KHDRBS2: variants seen among roughly 807,000 people sequenced by gnomAD.
KHDRBS2 encodes KH RNA binding domain containing, signal transduction associated 2.
KHDRBS2 carries 26 observed loss-of-function variants against 44.3 expected under a neutral mutation model. The ratio of observed to expected loss-of-function variants is 0.59; its 90% CI spans 0.43 to 0.81. The LOEUF is 0.81. Ranked by LOEUF, KHDRBS2 falls within the 40% of genes least tolerant of loss-of-function variation. KHDRBS2 has a pLI of 0.00. For synonymous variants in KHDRBS2, 194 were observed against 151.1 expected (o/e 1.28, Z -2.08); for missense variants, 476 against 433.1 (o/e 1.10, Z -0.88).
At chr6:62,061,861 C>T (rs1379339244) in intron 2 of KHDRBS2, among the ~76,000 whole-genome samples, 2 of 150,232 alleles carry the variant, frequency 1.3e-5, no homozygotes, top group African/African-American at 4.9e-5. Flanking sequence ...TTCTTGGAGG[C>T]TTTGCTCATT....
chr6:61,600,364 G>T, the KHDRBS2 span, among the ~76,000 whole-genome samples: 2 of 152,272 alleles, frequency 1.3e-5, no homozygotes, highest in South Asian at 4.1e-4. Flanking sequence ...CTTAAGTGAT[G>T]ACATTACCAT....
At chr6:61,660,006 T>G in the KHDRBS2 span, among the ~76,000 whole-genome samples, 2 of 151,840 alleles carry the variant, frequency 1.3e-5, no homozygotes, top group African/African-American at 4.8e-5. Context: ...ATAAGGTTAT[T>G]GGTTATTATT....
chr6:61,920,341 T>G (rs1807834905), intron 4 of KHDRBS2, among the ~76,000 whole-genome samples: 1 of 151,998 alleles, frequency 6.6e-6, no homozygotes, highest in South Asian at 2.1e-4. Flanking sequence ...AATATGGATG[T>G]TAGAAGGATT....
At chr6:62,106,553 T>C (rs1186539207) in intron 2 of KHDRBS2, among the ~76,000 whole-genome samples, 1 of 152,154 alleles carries the variant, frequency 6.6e-6, no homozygotes, top group Admixed American at 6.5e-5. Flanking sequence ...GTACCTTTCC[T>C]TCTGAAACTA....
the KHDRBS2 span, among the ~76,000 whole-genome samples, chr6:61,615,373 T>C: frequency 1.4e-3 from 215 of 152,300 alleles, 1 homozygote; most frequent in South Asian, 0.02. Flanking sequence ...GGTTCAAGTC[T>C]ACTTAGCAAA....
At chr6:62,156,721 C>G (rs1816472423) in intron 2 of KHDRBS2, among the ~76,000 whole-genome samples, 2 of 151,988 alleles carry the variant, frequency 1.3e-5, no homozygotes, top group South Asian at 2.1e-4. Flanking sequence ...GGCTGGAGTG[C>G]AGTGCAGTGG....
chr6:62,039,805 A>G (rs1367353999), intron 3 of KHDRBS2, among the ~76,000 whole-genome samples: 1 of 152,124 alleles, frequency 6.6e-6, no homozygotes, highest in African/African-American at 2.4e-5. Flanking sequence ...CTTTCTGTGT[A>G]GTGCCATTTA....
intron 6 of KHDRBS2, among the ~76,000 whole-genome samples, chr6:61,846,367 A>C (rs1187313108): frequency 1.3e-5 from 2 of 152,208 alleles, no homozygotes; most frequent in Non-Finnish European, 2.9e-5. Context: ...CACAGTTGCT[A>C]CCTTTACCCC....
chr6:61,805,918 A>G (rs1244013048), intron 6 of KHDRBS2, among the ~76,000 whole-genome samples: 1 of 152,178 alleles, frequency 6.6e-6, no homozygotes, highest in African/African-American at 2.4e-5. Context: ...TTGCTGTTTC[A>G]GAGAGAGGAA....
At chr6:61,579,658 T>A in the KHDRBS2 span, among the ~76,000 whole-genome samples, 47 of 152,280 alleles carry the variant, frequency 3.1e-4, no homozygotes, top group Middle Eastern at 3.4e-3. Context: ...ATTTGTGTAA[T>A]TCATCCCTGA....
chr6:62,059,417 T>C (rs1791173768), intron 2 of KHDRBS2, among the ~76,000 whole-genome samples: 1 of 151,060 alleles, frequency 6.6e-6, no homozygotes, highest in South Asian at 2.1e-4. Context: ...AATGGGAACA[T>C]GAAGCAGAAT....
chr6:62,000,316 A>AT (rs755100573), intron 3 of KHDRBS2, among the ~76,000 whole-genome samples: 4 of 152,146 alleles, frequency 2.6e-5, no homozygotes, highest in South Asian at 2.1e-4. Context: ...ATTGATCTCA[A>AT]TTTTTTTTCC....
At chr6:61,569,598 A>T in the KHDRBS2 span, among the ~76,000 whole-genome samples, 1 of 152,296 alleles carries the variant, frequency 6.6e-6, no homozygotes, top group Admixed American at 6.5e-5. Flanking sequence ...ACAACTTCAC[A>T]GCTAGCATAA....
chr6:62,169,171 G>GTATATATACGTATACATA (rs538963000), intron 2 of KHDRBS2, among the ~76,000 whole-genome samples: 2 of 134,474 alleles, frequency 1.5e-5, no homozygotes, highest in Non-Finnish European at 3.2e-5. Flanking sequence ...ACACATATAT[G>GTATATATACGTATACATA]TATATATGTA....
chr6:62,149,644 A>C (rs1814671854), intron 2 of KHDRBS2, among the ~76,000 whole-genome samples: 1 of 147,032 alleles, frequency 6.8e-6, no homozygotes, highest in African/African-American at 2.4e-5. Context: ...ACTTCTGAAT[A>C]AATATGAGAA....
the KHDRBS2 span, among the ~76,000 whole-genome samples, chr6:61,622,914 G>A: frequency 6.6e-6 from 1 of 152,060 alleles, no homozygotes. Context: ...ATGGCAAAGG[G>A]AATAATGGGA....
chr6:62,208,614 T>C (rs968205615), intron 1 of KHDRBS2, among the ~76,000 whole-genome samples: 3 of 152,158 alleles, frequency 2.0e-5, no homozygotes, highest in African/African-American at 7.2e-5. Flanking sequence ...GGCTTGCTGG[T>C]TAGTATAATG....
chr6:61,565,787 A>T, the KHDRBS2 span, among the ~76,000 whole-genome samples: 1 of 152,096 alleles, frequency 6.6e-6, no homozygotes. Flanking sequence ...TGAAGATTCA[A>T]AGAAAACAGT....
intron 2 of KHDRBS2, among the ~76,000 whole-genome samples, chr6:62,151,043 C>A (rs1315599393): frequency 6.6e-6 from 1 of 152,170 alleles, no homozygotes; most frequent in Admixed American, 6.5e-5. Flanking sequence ...ATACTTCTAT[C>A]TGCACCTTTT....
Sources: allele counts gnomAD v4.1 joint callset (sites outside exome capture counted in the v4.1 genomes callset), GRCh38; gene constraint gnomAD v4.1.1; transcripts MANE v1.5; gene names NCBI Gene and HGNC (gene_info 2026-07-23, HGNC 2026-07-21).